C8A: variants seen among roughly 807,000 people sequenced by gnomAD.
C8A encodes the protein complement component C8 alpha chain.
Under a neutral mutation model 65.3 loss-of-function variants are expected in C8A, and 67 were observed. That is an observed-to-expected ratio of 1.03 (90% CI 0.84 to 1.26). The LOEUF (loss-of-function observed/expected upper bound fraction) is 1.26, where lower values mean the gene tolerates loss of function less well. Ranked by LOEUF, C8A falls within the 50% of genes most tolerant of loss-of-function variation. The pLI is 0.00. For synonymous variants in C8A, 290 were observed against 259.4 expected, an observed-to-expected ratio of 1.12 and a Z score of -1.13; for missense variants, 781 against 723.9, an observed-to-expected ratio of 1.08 and a Z score of -0.90.
intron 5 of C8A, 43 bp downstream of exon 5, chr1:56,881,677 T>C: frequency 1.9e-6 from 3 of 1,572,228 alleles, no homozygotes; most frequent in Non-Finnish European, 2.6e-6. Context: ...GTGGTGTAGG[T>C]GGCAGAGAGG....
intron 2 of C8A, among the ~76,000 whole-genome samples, chr1:56,871,950 C>A (rs1644150412): frequency 6.6e-6 from 1 of 152,104 alleles, no homozygotes; most frequent in African/African-American, 2.4e-5. Context: ...CTATAAGTCA[C>A]CATGAAAGCA....
chr1:56,912,569 G>A lies in C8A; in HGVS notation c.1547G>A (p.Arg516Lys). 1.9e-6 allele frequency: 3 copies of A among 1,614,250 alleles called. No individual in the cohort carries two copies. The highest frequency in any genetic ancestry group is 4.5e-5 in the East Asian group (2 of 44,872). Residue 516 changes from arginine (R) to lysine (K), a missense_variant, in exon 10 of 11, where the codon AGG becomes AAG. Physicochemically the swap from Arg to Lys is conservative, Grantham distance 26 (BLOSUM62 2). Transcript: ENST00000361249. ...GVPILEGTSCRCQCRLGSLGA... is the reference protein window; with the variant it reads ...GVPILEGTSCKCQCRLGSLGA... ...CCCATCCTCGAGGGCACCAGCTGCA[G>A]GTGCCAGTGCCGCCTGGGTAGCTTG...
At chr1:56,887,682 A>G (rs1210134362) in intron 7 of C8A, among the ~76,000 whole-genome samples, 1 of 152,214 alleles carries the variant, frequency 6.6e-6, no homozygotes, top group African/African-American at 2.4e-5. Flanking sequence ...ACAGATGCAC[A>G]TGTAGGTTTA....
Position 56,886,081 on chromosome 1 carries a change from A to G in C8A, c.1010A>G (p.Tyr337Cys), listed in dbSNP as rs747900574. 4.3e-6 allele frequency: 7 copies of G among 1,614,036 alleles called. No individual in the cohort carries two copies. The highest frequency in any genetic ancestry group is 1.1e-5 in the South Asian group (1 of 91,092). The change falls in exon 7 of 11, where the codon TAT becomes TGT. Residue 337 changes from tyrosine to cysteine, a missense_variant. Transcript: ENST00000361249. ...YGMYAKFIND[Y>C]GTHYITSGSM... is the part of the protein sequence containing the mutation. ...ATGTATGCCAAGTTCATCAATGACT[A>G]TGGCACCCATTACATCACATCTGGA...
At chr1:56,913,164 C>T (rs1273280449) in intron 10 of C8A, among the ~76,000 whole-genome samples, 2 of 152,192 alleles carry the variant, frequency 1.3e-5, no homozygotes, top group African/African-American at 2.4e-5. Flanking sequence ...CTCTGTTTCT[C>T]TTCTTATAAG....
chr1:56,880,512 A>T (rs1644239106), intron 4 of C8A, among the ~76,000 whole-genome samples: 1 of 152,184 alleles, frequency 6.6e-6, no homozygotes, highest in Non-Finnish European at 1.5e-5. Flanking sequence ...AAAGTCATAC[A>T]GCTAGTAAGT....
intron 5 of C8A, among the ~76,000 whole-genome samples, chr1:56,882,755 A>C (rs930380964): frequency 3.9e-5 from 6 of 152,166 alleles, no homozygotes; most frequent in African/African-American, 7.2e-5. Context: ...GCTCTGTATC[A>C]GGCAAGACGG....
chr1:56,898,446 T>C (rs1013805823), intron 7 of C8A, among the ~76,000 whole-genome samples: 3 of 152,196 alleles, frequency 2.0e-5, no homozygotes, highest in Non-Finnish European at 4.4e-5. Flanking sequence ...TACTGGTCCC[T>C]GGACTTACCA....
chr1:56,859,758 TA>T (rs201764661), intron 1 of C8A, among the ~76,000 whole-genome samples: 24 of 84,962 alleles, frequency 2.8e-4, no homozygotes, highest in East Asian at 1.0e-3. Flanking sequence ...AATAAATATA[TA>T]AAAAAAAATT....
chr1:56,885,424 T>TTACA (rs1329494753), intron 6 of C8A, among the ~76,000 whole-genome samples: 81 of 89,924 alleles, frequency 9.0e-4, no homozygotes, highest in African/African-American at 6.6e-3. Context: ...AAATATATAT[T>TTACA]TAAATATATA....
At chr1:56,870,169 G>A (rs1644129915) in intron 2 of C8A, among the ~76,000 whole-genome samples, 1 of 152,060 alleles carries the variant, frequency 6.6e-6, no homozygotes, top group East Asian at 1.9e-4. Context: ...TAAAACAACA[G>A]AAATGTATTC....
At chr1:56,890,819 G>T (rs974271919) in intron 7 of C8A, among the ~76,000 whole-genome samples, 1 of 152,084 alleles carries the variant, frequency 6.6e-6, no homozygotes, top group Non-Finnish European at 1.5e-5. Context: ...TTTTCAGAGA[G>T]ACCTTTCCTG....
At chr1:56,871,504 T>C (rs775566460) in intron 2 of C8A, among the ~76,000 whole-genome samples, 4 of 152,226 alleles carry the variant, frequency 2.6e-5, no homozygotes, top group Non-Finnish European at 4.4e-5. Context: ...TCTTTACATG[T>C]GTTATGATGA....
intron 6 of C8A, 27 bp from the exon 7 acceptor site, chr1:56,885,900 G>C (rs1570334415): frequency 1.2e-6 from 2 of 1,613,386 alleles, no homozygotes; most frequent in Non-Finnish European, 1.7e-6. Flanking sequence ...TTGTTCTTTT[G>C]CTTTATTCAA....
intron 10 of C8A, among the ~76,000 whole-genome samples, chr1:56,916,143 G>A (rs1022678670): frequency 1.3e-5 from 2 of 152,186 alleles, no homozygotes; most frequent in Non-Finnish European, 2.9e-5. Flanking sequence ...CACGTGGTGG[G>A]TATCAGAGAA....
intron 7 of C8A, among the ~76,000 whole-genome samples, chr1:56,901,721 T>C (rs1336997943): frequency 6.6e-6 from 1 of 152,134 alleles, no homozygotes; most frequent in African/African-American, 2.4e-5. Context: ...ACAAGTCCTC[T>C]GCAGGGTCTC....
At chr1:56,865,258 T>C (rs1212384873) in intron 1 of C8A, among the ~76,000 whole-genome samples, 1 of 152,222 alleles carries the variant, frequency 6.6e-6, no homozygotes, top group Non-Finnish European at 1.5e-5. Flanking sequence ...TATAACAAAT[T>C]ACCATAGACT....
chr1:56,892,599 G>A (rs1371867648), intron 7 of C8A, among the ~76,000 whole-genome samples: 1 of 151,782 alleles, frequency 6.6e-6, no homozygotes, highest in East Asian at 1.9e-4. Flanking sequence ...CTCTATTCCC[G>A]ATTCTACTGA....
intron 1 of C8A, among the ~76,000 whole-genome samples, chr1:56,866,058 C>A (rs973695704): frequency 1.3e-5 from 2 of 152,158 alleles, no homozygotes; most frequent in Non-Finnish European, 1.5e-5. Context: ...TGCCACTTGT[C>A]AAGTTTTCAT....
Sources: allele counts gnomAD v4.1 joint callset (sites outside exome capture counted in the v4.1 genomes callset), GRCh38; gene constraint gnomAD v4.1.1; transcripts MANE v1.5; gene names NCBI Gene and HGNC (gene_info 2026-07-23, HGNC 2026-07-21).